Variants in ACYP2 observed in about 807,000 individuals in gnomAD.
ACYP2 encodes acylphosphatase 2.
A neutral mutation model predicts 11.2 loss-of-function variants in ACYP2; 12 were observed. The observed-to-expected ratio is 1.08, with a 90% CI of 0.69 to 1.74. The LOEUF is 1.74. Ranked by LOEUF, ACYP2 falls within the 40% of genes most tolerant of loss-of-function variation. The pLI is 0.00. For missense variants in ACYP2, 134 were observed against 101.9 expected (o/e 1.31, Z -1.35); for synonymous variants, 43 against 32.2 (o/e 1.33, Z -1.13).
At chr2:53,993,427 G>C (rs1053238656) in intron 2 of ACYP2, among the ~76,000 whole-genome samples, 4 of 152,096 alleles carry the variant, frequency 2.6e-5, no homozygotes, top group African/African-American at 9.7e-5. Flanking sequence ...TGGGAATCAG[G>C]CCGGGCGTGG....
intron 4 of ACYP2, among the ~76,000 whole-genome samples, chr2:54,088,509 C>A (rs146978810): frequency 3.9e-5 from 6 of 152,296 alleles, no homozygotes; most frequent in African/African-American, 1.4e-4. Flanking sequence ...CTCTCCATCT[C>A]CTCAGCGGGG....
At chr2:54,276,373 T>G (rs1466596129) in intron 6 of ACYP2, among the ~76,000 whole-genome samples, 4 of 152,164 alleles carry the variant, frequency 2.6e-5, no homozygotes, top group Non-Finnish European at 2.9e-5. Context: ...GTCTAATAGT[T>G]GTCAATGTTA....
chr2:54,149,170 G>A (rs1682033770), intron 6 of ACYP2, among the ~76,000 whole-genome samples: 1 of 152,190 alleles, frequency 6.6e-6, no homozygotes, highest in Non-Finnish European at 1.5e-5. Flanking sequence ...AAAATGCAAT[G>A]ACAGTAAGTT....
chr2:54,162,602 C>G (rs1247795229), intron 6 of ACYP2, among the ~76,000 whole-genome samples: 2 of 152,058 alleles, frequency 1.3e-5, no homozygotes, highest in African/African-American at 4.8e-5. Context: ...TGGGGCCCAA[C>G]AATCTGTTTT....
chr2:54,021,124 C>T (rs1027247846), intron 2 of ACYP2, among the ~76,000 whole-genome samples: 4 of 152,074 alleles, frequency 2.6e-5, no homozygotes, highest in African/African-American at 9.7e-5. Flanking sequence ...ACAGTCTAAG[C>T]TAATTCTGAT....
rs1402481874 is a variant in ACYP2, at chr2:54,201,622, T to TTCTCTTTCTTTC, written c.404+62875_404+62876insCTCTTTCTTTCT. ...TTTCTTTCTTTCTTTCTTTCTTTCT[T>TTCTCTTTCTTTC]TGTTTCTTTCTTTCTCTTTCTTTCT... On this transcript the variant is annotated intron_variant, in intron 6 of 6. Transcript: ENST00000607452. Among the ~76,000 whole-genome samples the TTCTCTTTCTTTC allele has an allele frequency of 3.8e-5, 4 of 105,496 alleles. No individual in the cohort carries two copies. The Admixed American group carries it at 4.0e-4, about 10-fold the overall frequency. The allele number at this position is 105,496 out of a possible 152,430, so 69.2% of individuals were successfully genotyped here.
At chr2:54,277,093 C>T (rs1688630628) in intron 6 of ACYP2, among the ~76,000 whole-genome samples, 1 of 152,140 alleles carries the variant, frequency 6.6e-6, no homozygotes, top group African/African-American at 2.4e-5. Context: ...AATGACCATT[C>T]TTGAGGCAAA....
intron 6 of ACYP2, among the ~76,000 whole-genome samples, chr2:54,199,945 C>T (rs971078252): frequency 8.5e-5 from 13 of 152,236 alleles, no homozygotes; most frequent in Non-Finnish European, 1.8e-4. Context: ...GTGCAGTGAG[C>T]ATCCATGCAG....
intron 2 of ACYP2, among the ~76,000 whole-genome samples, chr2:54,016,952 C>T (rs1474124491): frequency 6.6e-6 from 1 of 152,042 alleles, no homozygotes; most frequent in Non-Finnish European, 1.5e-5. Context: ...GTCTCCATCT[C>T]CTGACCTCAT....
chr2:54,046,068 G>T (rs567749733), intron 2 of ACYP2, among the ~76,000 whole-genome samples: 1 of 151,692 alleles, frequency 6.6e-6, no homozygotes, highest in African/African-American at 2.4e-5. Context: ...TACTTGGGAG[G>T]CTGAGGTAGG....
At chr2:54,039,819 T>TTGTG (rs751604890) in intron 2 of ACYP2, among the ~76,000 whole-genome samples, 16,144 of 126,468 alleles carry the variant, frequency 0.13, 1,080 homozygotes, top group East Asian at 0.2. Context: ...TTGTTTTCTT[T>TTGTG]TGTGTGTGTG....
rs3071186 is a variant in ACYP2, at chr2:54,276,619, TCACACACACACACACA to T, written c.405-28041_405-28026del. On this transcript the variant is annotated intron_variant, in intron 6 of 6. Transcript: ENST00000607452. The stretch of plus-strand genomic sequence containing the variant: ...TTTTCTTTGGGTTCAGATTGTTCTT[TCACACACACACACACA>T]CACACACACACACACACACACACAC... 9.1e-3 allele frequency among the ~76,000 whole-genome samples: 1,326 copies of T among 146,208 alleles called. 14 individuals carry two copies. The highest frequency in any genetic ancestry group is 0.025 in the African/African-American group (1,008 of 40,026).
At chr2:54,290,724 T>C (rs1689267391) in intron 6 of ACYP2, among the ~76,000 whole-genome samples, 1 of 152,062 alleles carries the variant, frequency 6.6e-6, no homozygotes, top group South Asian at 2.1e-4. Context: ...TGGTGGGAGA[T>C]GGAGAGATCA....
chr2:54,038,488 A>G lies in ACYP2; in HGVS notation c.63-12470A>G, dbSNP rs192423138. On this transcript the variant is annotated intron_variant, in intron 2 of 6. Transcript: ENST00000607452. ...TGCGTGGTGCTATTCTAAGCACTAC[A>G]TAAGTTATTGATCATTTAATCCTTG... 7.3e-4 allele frequency among the ~76,000 whole-genome samples: 111 copies of G among 152,048 alleles called. No individual in the cohort carries two copies. In the Middle Eastern group the frequency reaches 0.01, roughly 14 times the overall value.
chr2:54,186,151 A>C (rs2103877978), intron 6 of ACYP2, among the ~76,000 whole-genome samples: 1 of 152,278 alleles, frequency 6.6e-6, no homozygotes, highest in Admixed American at 6.5e-5. Flanking sequence ...CAAAGATTAA[A>C]AAGAATGCTA....
chr2:54,267,643 T>A (rs1688097389), intron 6 of ACYP2, among the ~76,000 whole-genome samples: 1 of 152,252 alleles, frequency 6.6e-6, no homozygotes, highest in Admixed American at 6.5e-5. Flanking sequence ...CTCTATGGCT[T>A]GCTTTCTTTA....
intron 2 of ACYP2, among the ~76,000 whole-genome samples, chr2:54,027,837 C>CTTTTTTTTTTTTTTTTTTT (rs34122179): frequency 1.0e-5 from 1 of 97,892 alleles, no homozygotes. Flanking sequence ...TTCTTTCTTT[C>CTTTTTTTTTTTTTTTTTTT]TTTTTTTTTT....
intron 4 of ACYP2, among the ~76,000 whole-genome samples, chr2:54,077,741 A>G (rs150238839): frequency 2.2e-4 from 34 of 152,318 alleles, no homozygotes; most frequent in Non-Finnish European, 3.1e-4. Context: ...TTCCCAGCAA[A>G]CTAAGGCACA....
At chr2:54,152,542 C>T (rs79672289) in intron 6 of ACYP2, among the ~76,000 whole-genome samples, 3,499 of 152,244 alleles carry the variant, frequency 0.023, 118 homozygotes, top group African/African-American at 0.075. Flanking sequence ...ATGTGCTCTG[C>T]TTATTCATCC....
Sources: allele counts gnomAD v4.1 joint callset (sites outside exome capture counted in the v4.1 genomes callset), GRCh38; gene constraint gnomAD v4.1.1; transcripts MANE v1.5; gene names NCBI Gene and HGNC (gene_info 2026-07-23, HGNC 2026-07-21).